Variants in PDCD6 observed in about 807,000 individuals in gnomAD.
The protein encoded by PDCD6 is programmed cell death 6, also known as programmed cell death protein 6.
A neutral mutation model predicts 28.3 loss-of-function variants in PDCD6; 12 were observed. The observed-to-expected ratio is 0.42, with a 90% CI of 0.27 to 0.69. The LOEUF (loss-of-function observed/expected upper bound fraction) is 0.69. PDCD6 is among the 30% of genes least tolerant of loss of function. The pLI is 0.22. For synonymous variants in PDCD6, 92 were observed against 108.0 expected (o/e 0.85, Z 0.92); for missense variants, 226 against 269.9 (o/e 0.84, Z 1.14).
At chr5:302,426 GCCTT>G in intron 2 of PDCD6, among the ~76,000 whole-genome samples, 2 of 107,652 alleles carry the variant, frequency 1.9e-5, no homozygotes, top group African/African-American at 1.2e-4. Context: ...AGGTGCACCT[GCCTT>G]TGTGGGGAGA....
At chr5:297,024 C>T (rs7718951) in intron 2 of PDCD6, among the ~76,000 whole-genome samples, 13,747 of 151,780 alleles carry the variant, frequency 0.091, 1,631 homozygotes, top group African/African-American at 0.31. Context: ...GCACAAGTGC[C>T]TCAGGAGGGT....
At position 285,953 on chromosome 5, in the gene PDCD6, T is replaced by G. The variant is rs1183334485; in HGVS notation, c.163+13181T>G. On this transcript the variant is annotated intron_variant, in intron 2 of 5. Transcript: ENST00000264933. ...GCTGTGCAGCTTGAGACCCGGCGGG[T>G]AGCTGATGTTCCAGTTTGAGGGCCG... is the stretch of plus-strand genomic sequence containing the variant. Among the ~76,000 whole-genome samples the G allele has an allele frequency of 5.4e-3, 462 of 85,052 alleles. No individual in the cohort carries two copies. The Middle Eastern group carries it at 0.078, about 14-fold the overall frequency. 55.8% of individuals were successfully genotyped at this position (85,052 alleles called of 152,430 possible). A position where few individuals can be genotyped will look rare whatever the true frequency, so the allele number is the denominator to read the frequency against.
At chr5:310,179 A>G in intron 4 of PDCD6, 1 of 163,020 alleles carries the variant, frequency 6.1e-6, no homozygotes, top group Non-Finnish European at 1.3e-5. Flanking sequence ...GCAGCTGTTG[A>G]CAACTCTGCC....
intron 2 of PDCD6, among the ~76,000 whole-genome samples, chr5:286,683 C>A (rs1410314755): frequency 6.6e-6 from 1 of 151,820 alleles, no homozygotes; most frequent in Non-Finnish European, 1.5e-5. Flanking sequence ...CGTTGGAGAG[C>A]CGTGCAGCTG....
intron 2 of PDCD6, chr5:276,542 C>T (rs928965078): frequency 1.5e-4 from 148 of 976,554 alleles, no homozygotes; most frequent in Middle Eastern, 5.2e-4. Context: ...CTCAAGTGAT[C>T]CTCCTGCCTC....
At position 288,534 on chromosome 5, in the gene PDCD6, C is replaced by T. The variant is rs186070752; in HGVS notation, c.164-15643C>T. Among the ~76,000 whole-genome samples, 1,368 of 151,330 alleles carry T rather than the reference C, an allele frequency of 9.0e-3. 15 individuals are homozygous for T. The highest frequency in any genetic ancestry group is 0.011 in the Non-Finnish European group (760 of 67,832). ...AACTTTTCAAAATTATGATTACCTT[C>T]CAGTTTAAAAACTTTAATCCTAAAT... is the stretch of plus-strand genomic sequence containing the variant. On this transcript the variant is annotated intron_variant, in intron 2 of 5. Transcript: ENST00000264933.
chr5:276,139 A>G lies in PDCD6; in HGVS notation c.163+3367A>G, dbSNP rs1211216181. On this transcript the variant is annotated intron_variant, in intron 2 of 5. Transcript: ENST00000264933. Reference sequence around the variant, plus strand: ...AGCTACTTGGGAGGCTGAGATGGGAAGATCACTTGAGCCTGGGAGGTTGAG... The same window carrying G: ...AGCTACTTGGGAGGCTGAGATGGGAGGATCACTTGAGCCTGGGAGGTTGAG... 4.4e-6 allele frequency: 4 copies of G among 904,076 alleles called. No homozygotes were observed. In the Admixed American group the frequency reaches 7.8e-5, roughly 18 times the overall value. The allele number at this position is 904,076 out of a possible 1,614,324, so 56.0% of individuals were successfully genotyped here.
At chr5:313,358 T>G (rs1232668973) in intron 5 of PDCD6, among the ~76,000 whole-genome samples, 1 of 152,242 alleles carries the variant, frequency 6.6e-6, no homozygotes, top group African/African-American at 2.4e-5. Context: ...AAATTACCCA[T>G]TACTCTTTAA....
At chr5:313,445 G>T (rs900520999) in intron 5 of PDCD6, among the ~76,000 whole-genome samples, 2 of 152,058 alleles carry the variant, frequency 1.3e-5, no homozygotes, top group Non-Finnish European at 2.9e-5. Flanking sequence ...CCCGGTGGTG[G>T]CTGTGGCATT....
chr5:277,593 G>A (rs1411842458), intron 2 of PDCD6, among the ~76,000 whole-genome samples: 4 of 151,856 alleles, frequency 2.6e-5, no homozygotes, highest in African/African-American at 9.7e-5. Flanking sequence ...GAGCCACCAC[G>A]CCCAGCAATT....
chr5:271,726 C>G lies in PDCD6; in HGVS notation c.6C>G (p.Ala2=). The change falls in exon 1 of 6, where the codon GCC becomes GCG. Residue 2 remains alanine (A), a synonymous_variant. Coordinates refer to ENST00000264933, the MANE Select transcript of PDCD6 (RefSeq NM_013232.4). M[A]AYSYRPGPGA... ...CCAGCCGCGTGCCTTGGCCCATGGCCGCCTACTCTTACCGCCCCGGCCCTG... is the reference window on the plus strand; with the variant it reads ...CCAGCCGCGTGCCTTGGCCCATGGCGGCCTACTCTTACCGCCCCGGCCCTG... 6.5e-7 allele frequency: 1 copy of G among 1,535,066 alleles called. No individual in the cohort carries two copies. Among genetic ancestry groups the G allele is most frequent in the South Asian group, 1.2e-5 (1 of 84,992 alleles).
chr5:310,692 T>C (rs1291227526), intron 4 of PDCD6: 1 of 153,794 alleles, frequency 6.5e-6, no homozygotes, highest in Non-Finnish European at 1.4e-5. Flanking sequence ...CTGCAGTGAC[T>C]TGGACCTTTC....
intron 2 of PDCD6, among the ~76,000 whole-genome samples, chr5:274,976 C>CA (rs1180025568): frequency 1.3e-5 from 2 of 152,160 alleles, no homozygotes; most frequent in Non-Finnish European, 2.9e-5. Flanking sequence ...TGGCTTAACC[C>CA]AAGCTGTGTA....
At chr5:271,846 C>T (rs561356594) in intron 1 of PDCD6, 25 bp downstream of exon 1, 6 of 1,285,644 alleles carry the variant, frequency 4.7e-6, no homozygotes, top group Non-Finnish European at 6.1e-6. Context: ...CGCCCGGGCA[C>T]CTCCCGCCTC....
intron 2 of PDCD6, among the ~76,000 whole-genome samples, chr5:275,837 T>C (rs1738160013): frequency 6.6e-6 from 1 of 152,226 alleles, no homozygotes; most frequent in Non-Finnish European, 1.5e-5. Flanking sequence ...TTGTGTTCTG[T>C]GGTGGTTTGC....
intron 2 of PDCD6, among the ~76,000 whole-genome samples, chr5:298,672 T>TCAGCTGCTCCCCCTCAGCTGCTCCCCCC (rs1270044597): frequency 3.6e-5 from 1 of 27,596 alleles, no homozygotes; most frequent in Non-Finnish European, 6.5e-5. Context: ...CTGCTCCCAC[T>TCAGCTGCTCCCCCTCAGCTGCTCCCCCC]CAGCTGCTCC....
intron 2 of PDCD6, among the ~76,000 whole-genome samples, chr5:274,972 A>T (rs1738095107): frequency 6.6e-6 from 1 of 152,070 alleles, no homozygotes; most frequent in Non-Finnish European, 1.5e-5. Flanking sequence ...TCAGTGGCTT[A>T]ACCCAAGCTG....
chr5:278,999 A>G (rs2126689781), intron 2 of PDCD6, among the ~76,000 whole-genome samples: 1 of 152,126 alleles, frequency 6.6e-6, no homozygotes, highest in African/African-American at 2.4e-5. Flanking sequence ...CCAAGCTAAT[A>G]TCTTGTTCTT....
rs975668318 is a variant in PDCD6, at chr5:314,882, A to G, written c.*367A>G. 22 of 352,740 alleles carry G rather than the reference A, an allele frequency of 6.2e-5. No homozygotes were observed. Among genetic ancestry groups the G allele is most frequent in the African/African-American group, 4.0e-4 (19 of 47,360 alleles). 21.9% of individuals were successfully genotyped at this position (352,740 alleles called of 1,614,324 possible). A position where few individuals can be genotyped will look rare whatever the true frequency, so the allele number is the denominator to read the frequency against. On this transcript the variant is annotated 3_prime_UTR_variant, in exon 6 of 6. Transcript: ENST00000264933. ...TTTAAAATAACATGGAACTTACACA[A>G]AAGGCTTTTCATGTGCCTTACTTTT...
Sources: allele counts gnomAD v4.1 joint callset (sites outside exome capture counted in the v4.1 genomes callset), GRCh38; gene constraint gnomAD v4.1.1; transcripts MANE v1.5; gene names NCBI Gene and HGNC (gene_info 2026-07-23, HGNC 2026-07-21).